The following ANK1 variants were observed in gnomAD, a reference collection of about 807,000 sequenced individuals.
The protein encoded by ANK1 is ankyrin 1, also known as ankyrin-1.
Under a neutral mutation model 210.4 loss-of-function variants are expected in ANK1, and 51 were observed. The ratio of observed to expected loss-of-function variants is 0.24; its 90% CI spans 0.19 to 0.31. The LOEUF is 0.31. ANK1 is among the 10% of genes least tolerant of loss of function. The pLI is 1.00. For missense variants in ANK1, 2,051 were observed against 2,504.4 expected, an observed-to-expected ratio of 0.82 and a Z score of 3.86; for synonymous variants, 967 against 1,025.9, an observed-to-expected ratio of 0.94 and a Z score of 1.10.
At chr8:41,724,402 C>G (rs1830142442) in intron 7 of ANK1, 54 bp downstream of exon 7, 1 of 1,447,540 alleles carries the variant, frequency 6.9e-7, no homozygotes, top group African/African-American at 1.4e-5. Context: ...GAGGCAGGAG[C>G]AACTGCCAGC....
At chr8:41,792,546 C>T (rs751283618) in intron 1 of ANK1, among the ~76,000 whole-genome samples, 4 of 152,172 alleles carry the variant, frequency 2.6e-5, no homozygotes, top group Non-Finnish European at 4.4e-5. Context: ...AGACCTTGGT[C>T]GAAGCCAGGG....
At chr8:41,816,397 A>C (rs1803338127) in intron 1 of ANK1, among the ~76,000 whole-genome samples, 1 of 152,236 alleles carries the variant, frequency 6.6e-6, no homozygotes, top group African/African-American at 2.4e-5. Context: ...TTTAATGCTA[A>C]CAATTCTGAA....
intron 2 of ANK1, among the ~76,000 whole-genome samples, chr8:41,735,040 C>A (rs748427838): frequency 6.6e-6 from 1 of 152,184 alleles, no homozygotes; most frequent in Non-Finnish European, 1.5e-5. Context: ...CTTGCCCAAC[C>A]CTTAGCCCAC....
chr8:41,739,001 A>G (rs937829715), intron 2 of ANK1, among the ~76,000 whole-genome samples: 25 of 152,220 alleles, frequency 1.6e-4, no homozygotes, highest in African/African-American at 5.3e-4. Flanking sequence ...ACTTGTGGCC[A>G]TTTTTTAACC....
chr8:41,664,942 T>C, intron 39 of ANK1: 12 of 1,614,212 alleles, frequency 7.4e-6, no homozygotes, highest in Non-Finnish European at 9.3e-6. Flanking sequence ...CCCCTGACAA[T>C]GTGCATCACG....
chr8:41,696,502 G>A lies in ANK1; in HGVS notation c.2821C>T (p.Arg941Trp), dbSNP rs375019877. Residue 941 changes from arginine to tryptophan, a missense_variant, in exon 26 of 43, where the codon CGG becomes TGG. This residue lies in a region of ANK1 where 1,413 missense variants were observed against 1,707.4 expected (regional missense o/e 0.83). Coordinates refer to ENST00000289734, the MANE Select transcript of ANK1 (RefSeq NM_000037.4). ...ATGCGGGTGGGCGCTGCGCACGTCC[G>A]TGGCGGGATCACCACTCGCAGGCCG... ...HNGLRVVIPP[R>W]TCAAPTRITC... 1.7e-5 allele frequency: 27 copies of A among 1,613,392 alleles called. No homozygotes were observed. The highest frequency in any genetic ancestry group is 1.5e-4 in the South Asian group (14 of 91,082).
chr8:41,808,601 G>A (rs1029019738), intron 1 of ANK1, among the ~76,000 whole-genome samples: 1 of 152,074 alleles, frequency 6.6e-6, no homozygotes, highest in South Asian at 2.1e-4. Context: ...GGAGGCGGAG[G>A]TTGCAGTGAG....
At chr8:41,671,798 G>A (rs1057366257) in intron 38 of ANK1, among the ~76,000 whole-genome samples, 2 of 145,228 alleles carry the variant, frequency 1.4e-5, no homozygotes, top group Non-Finnish European at 3.0e-5. Context: ...GTCCCTAAGT[G>A]AGCACTCCAG....
rs1016762435 is a variant in ANK1 at position 41,822,710 on chromosome 8, C to T, written c.127-64573G>A. On this transcript the variant is annotated intron_variant, in intron 1 of 42. Transcript: ENST00000265709. ...TGCAATGAGGATGATGAGCTAATCC[C>T]CCGAAGGCCAGAGAGGGTCACAGGC... Among the ~76,000 whole-genome samples, 7 of 152,266 alleles carry T rather than the reference C, an allele frequency of 4.6e-5. No individual in the cohort carries two copies. In the South Asian group the frequency reaches 1.5e-3, roughly 32 times the overall value.
At chr8:41,718,064 G>T in intron 11 of ANK1, 42 bp downstream of exon 11, 2 of 1,588,980 alleles carry the variant, frequency 1.3e-6, no homozygotes, top group South Asian at 2.2e-5. Context: ...GGTCGGGGGA[G>T]ACCACAGGCC....
Position 41,704,231 on chromosome 8 carries a change from G to A in ANK1, c.2197-92C>T. On this transcript the variant is annotated intron_variant, in intron 19 of 42. Coordinates refer to ENST00000289734, the MANE Select transcript of ANK1 (RefSeq NM_000037.4). This position sits in a 1 kb window ranked among gnomAD's most constrained non-coding sequence, Gnocchi z 4.1. ...TAGTGCCTGCCCATCTTCGAAGTGG[G>A]ACATTAATGAAATGCATTTTCCCCC... 1 of 1,374,758 alleles carries A rather than the reference G, an allele frequency of 7.3e-7. No individual in the cohort carries two copies. The highest frequency in any genetic ancestry group is 2.3e-5 in the East Asian group (1 of 43,738). 85.2% of individuals were successfully genotyped at this position (1,374,758 alleles called of 1,614,324 possible). A position where few individuals can be genotyped will look rare whatever the true frequency, so the allele number is the denominator to read the frequency against.
At chr8:41,728,385 T>C (rs1831256559) in intron 3 of ANK1, among the ~76,000 whole-genome samples, 3 of 152,130 alleles carry the variant, frequency 2.0e-5, no homozygotes, top group African/African-American at 7.2e-5. Flanking sequence ...CACGTGGACA[T>C]ACAGAGAGTG....
At chr8:41,831,635 CTGTCA>C (rs1563865832) in intron 1 of ANK1, among the ~76,000 whole-genome samples, 1 of 75,196 alleles carries the variant, frequency 1.3e-5, no homozygotes, top group Admixed American at 1.5e-4. Flanking sequence ...GAGCAAAAGT[CTGTCA>C]AAAAAAAAAA....
At chr8:41,690,422 C>G in intron 32 of ANK1, 52 bp downstream of exon 32, 1 of 1,614,200 alleles carries the variant, frequency 6.2e-7, no homozygotes, top group Non-Finnish European at 8.5e-7. Context: ...GGGAATTCTG[C>G]CTCCCCAACT....
chr8:41,782,098 G>A (rs1396339169), intron 1 of ANK1, among the ~76,000 whole-genome samples: 1 of 152,180 alleles, frequency 6.6e-6, no homozygotes, highest in East Asian at 1.9e-4. Flanking sequence ...TCCATCTAGA[G>A]GAAACATTTC....
At chr8:41,800,850 G>A (rs556584157), upstream of ANK1, among the ~76,000 whole-genome samples, 7 of 152,192 alleles carry the variant, frequency 4.6e-5, no homozygotes, top group South Asian at 1.2e-3. Flanking sequence ...GAGTAGCTGG[G>A]ACTACAGGCA....
At chr8:41,852,486 C>T (rs1811439812) in intron 1 of ANK1, among the ~76,000 whole-genome samples, 1 of 152,216 alleles carries the variant, frequency 6.6e-6, no homozygotes, top group African/African-American at 2.4e-5. Context: ...AGTGCACACA[C>T]ATGGGGGACA....
At chr8:41,880,026 G>T (rs1215473642) in intron 1 of ANK1, among the ~76,000 whole-genome samples, 3 of 152,214 alleles carry the variant, frequency 2.0e-5, no homozygotes, top group Non-Finnish European at 2.9e-5. Flanking sequence ...AACCCAGGGG[G>T]TGGCAAACTG....
intron 2 of ANK1, among the ~76,000 whole-genome samples, chr8:41,744,857 C>A (rs554118991): frequency 6.6e-5 from 10 of 152,302 alleles, no homozygotes; most frequent in African/African-American, 2.4e-4. Context: ...CTATGGTATT[C>A]CTGTCCAGCA....
Sources: gnomAD v4.1 joint callset for allele counts (sites outside exome capture counted in the v4.1 genomes callset) on GRCh38, gnomAD v4.1.1 for gene constraint, gnomAD v4.1.1 regional missense constraint, Gnocchi (gnomAD v3.1) non-coding constraint, MANE v1.5 for transcripts, NCBI Gene and HGNC (gene_info 2026-07-23, HGNC 2026-07-21) for gene names.